The following CD163L1 variants were observed in gnomAD, a reference collection of about 807,000 sequenced individuals.
CD163L1 encodes scavenger receptor cysteine-rich type 1 protein M160.
In CD163L1, 124 loss-of-function variants were observed where a neutral mutation model predicts 165.4. The ratio of observed to expected loss-of-function variants is 0.75; its 90% CI spans 0.65 to 0.87. The LOEUF (loss-of-function observed/expected upper bound fraction) is 0.87, where lower values mean the gene tolerates loss of function less well. CD163L1 is among the 40% of genes least tolerant of loss of function. The probability of loss-of-function intolerance (pLI) is 0.00; values close to 1 mark genes in which losing one functional copy is unlikely to be tolerated. For missense variants in CD163L1, 1,525 were observed against 1,799.9 expected, an observed-to-expected ratio of 0.85 and a Z score of 2.76; for synonymous variants, 585 against 662.2, an observed-to-expected ratio of 0.88 and a Z score of 1.79.
intron 9 of CD163L1, among the ~76,000 whole-genome samples, chr12:7,377,105 T>C (rs1302112090): frequency 6.6e-6 from 1 of 152,194 alleles, no homozygotes; most frequent in Non-Finnish European, 1.5e-5. Flanking sequence ...TCAGCTGCAT[T>C]GGATTCCTTT....
intron 11 of CD163L1, 25 bp downstream of exon 11, chr12:7,375,256 T>A (rs1406550801): frequency 1.2e-6 from 2 of 1,608,152 alleles, no homozygotes; most frequent in Admixed American, 3.3e-5. Flanking sequence ...TTGACAGTAG[T>A]TAACCATAAG....
chr12:7,435,005 A>C (rs1948696505), intron 2 of CD163L1, among the ~76,000 whole-genome samples: 1 of 152,072 alleles, frequency 6.6e-6, no homozygotes, highest in Non-Finnish European at 1.5e-5. Context: ...TTTTTAGTTG[A>C]AATGTGTGTG....
chr12:7,409,363 G>A (rs548974511), intron 4 of CD163L1, among the ~76,000 whole-genome samples: 4 of 152,060 alleles, frequency 2.6e-5, no homozygotes, highest in Non-Finnish European at 2.9e-5. Flanking sequence ...TTTTGGCACC[G>A]AAGACTGCTT....
chr12:7,369,807 T>A lies in CD163L1; in HGVS notation c.3731-142A>T. 1.4e-6 allele frequency: 1 copy of A among 705,934 alleles called. No individual in the cohort carries two copies. The highest frequency in any genetic ancestry group is 2.3e-6 in the Non-Finnish European group (1 of 426,020). 43.7% of individuals were successfully genotyped at this position (705,934 alleles called of 1,614,324 possible). A position where few individuals can be genotyped will look rare whatever the true frequency, so the allele number is the denominator to read the frequency against. On this transcript the variant is annotated intron_variant, in intron 14 of 19. Transcript: ENST00000313599. This position sits in a 1 kb window ranked among gnomAD's most constrained non-coding sequence, Gnocchi z 4.9. Reference sequence around the variant, plus strand: ...GGCAGAATTTCAATGTTACATAGATTAGACAAGAACCTGTGAAGTGAATAA... The same window carrying A: ...GGCAGAATTTCAATGTTACATAGATAAGACAAGAACCTGTGAAGTGAATAA...
chr12:7,387,160 A>G (rs1403062190), intron 8 of CD163L1, among the ~76,000 whole-genome samples: 2 of 152,364 alleles, frequency 1.3e-5, no homozygotes, highest in East Asian at 3.9e-4. Flanking sequence ...AAAAGTGAGT[A>G]GCATTTCTAT....
the CD163L1 span, among the ~76,000 whole-genome samples, chr12:7,339,916 T>C: frequency 2.6e-5 from 4 of 152,182 alleles, no homozygotes; most frequent in Admixed American, 6.6e-5. Context: ...AGGGACTTTG[T>C]AGGTATGAGA....
At chr12:7,421,519 ATG>A (rs1347578597) in intron 4 of CD163L1, among the ~76,000 whole-genome samples, 22 of 132,880 alleles carry the variant, frequency 1.7e-4, no homozygotes, top group African/African-American at 3.7e-4. Flanking sequence ...ATATACATAT[ATG>A]TACATATATA....
chr12:7,421,597 A>G (rs1354070385), intron 4 of CD163L1, among the ~76,000 whole-genome samples: 1 of 11,468 alleles, frequency 8.7e-5, no homozygotes, highest in African/African-American at 1.7e-4. Flanking sequence ...ACATATACAT[A>G]TATGTACACA....
Position 7,403,561 on chromosome 12 carries a change from C to T in CD163L1, c.1382G>A (p.Arg461Lys), listed in dbSNP as rs745659898. The T allele has an allele frequency of 6.2e-7, 1 of 1,613,376 alleles. No individual in the cohort carries two copies. Among genetic ancestry groups the T allele is most frequent in the Admixed American group, 1.7e-5 (1 of 59,922 alleles). ...DGKAKRTCFR[R>K]SDAGVICSDK... ...AGAACAAATTACTCCAGCATCTGATCTTCGGAAGCATGTTCGCTTTGCTTT... is the reference window on the plus strand; with the variant it reads ...AGAACAAATTACTCCAGCATCTGATTTTCGGAAGCATGTTCGCTTTGCTTT... The change falls in exon 6 of 20, where the codon AGA becomes AAA. Residue 461 changes from arginine (R) to lysine (K), a missense_variant. Coordinates refer to ENST00000313599, the MANE Select transcript of CD163L1 (RefSeq NM_174941.6).
the CD163L1 span, among the ~76,000 whole-genome samples, chr12:7,332,755 A>G: frequency 1.3e-5 from 2 of 152,164 alleles, no homozygotes; most frequent in Non-Finnish European, 2.9e-5. Flanking sequence ...TCACCACCAG[A>G]CCTGCCCTAA....
At chr12:7,328,373 G>A in the CD163L1 span, 1 of 1,581,634 alleles carries the variant, frequency 6.3e-7, no homozygotes, top group Non-Finnish European at 8.6e-7. Context: ...GAGGAAGATA[G>A]TTTGATAACA....
intron 2 of CD163L1, chr12:7,438,904 C>A: frequency 6.2e-7 from 1 of 1,600,248 alleles, no homozygotes; most frequent in Non-Finnish European, 8.6e-7. Context: ...TGTCTTGATT[C>A]CTCTGCTTTT....
At chr12:7,319,355 G>C in the CD163L1 span, among the ~76,000 whole-genome samples, 4 of 152,230 alleles carry the variant, frequency 2.6e-5, no homozygotes, top group African/African-American at 9.6e-5. Context: ...ACTTTGGGAG[G>C]CTGAAGCAGG....
chr12:7,373,572 A>G lies in CD163L1; in HGVS notation c.3478T>C (p.Tyr1160His). Residue 1160 changes from tyrosine (Y) to histidine (H), a missense_variant, in exon 14 of 20, where the codon TAT becomes CAT. Coordinates refer to ENST00000313599, the MANE Select transcript of CD163L1 (RefSeq NM_174941.6). ...CCGACGCTGCCCCAGGTCCCGTTAT[A>G]GAAGACTTCCAATCTCCCAGCACAG... ...ESCAGRLEVF[Y>H]NGTWGSVGRR... 6.2e-7 allele frequency: 1 copy of G among 1,613,986 alleles called. No individual in the cohort carries two copies. Among genetic ancestry groups the G allele is most frequent in the Non-Finnish European group, 8.5e-7 (1 of 1,179,896 alleles).
intron 4 of CD163L1, among the ~76,000 whole-genome samples, chr12:7,348,389 A>G (rs1189955067): frequency 1.3e-5 from 2 of 152,342 alleles, no homozygotes; most frequent in Non-Finnish European, 2.9e-5. Flanking sequence ...AGAATGGAAT[A>G]TGGTTTACCA....
chr12:7,330,430 C>A, the CD163L1 span, among the ~76,000 whole-genome samples: 43 of 152,160 alleles, frequency 2.8e-4, no homozygotes, highest in Non-Finnish European at 5.6e-4. Context: ...CTCTTCTAGC[C>A]TTTTTCAATT....
At chr12:7,358,651 C>A (rs896980194) in intron 18 of CD163L1, among the ~76,000 whole-genome samples, 1 of 152,072 alleles carries the variant, frequency 6.6e-6, no homozygotes, top group South Asian at 2.1e-4. Context: ...ACTCTCTTTA[C>A]CTCAATTCTT....
At chr12:7,377,080 T>C (rs1947285136) in intron 9 of CD163L1, among the ~76,000 whole-genome samples, 1 of 152,230 alleles carries the variant, frequency 6.6e-6, no homozygotes, top group African/African-American at 2.4e-5. Flanking sequence ...GTCCTGATGT[T>C]TTACTTACTG....
chr12:7,398,466 A>C lies in CD163L1; in HGVS notation c.1527T>G (p.Asn509Lys). ...CCAATTGTTTACAAACAACAGCTGC[A>C]TTCCTTGTGCTCCATCTGTCATGAC... ...TVCHDRWSTRNAAVVCKQLGC... is the reference protein window; with the variant it reads ...TVCHDRWSTRKAAVVCKQLGC... Residue 509 changes from asparagine to lysine, a missense_variant, in exon 7 of 20, where the codon AAT becomes AAG. By Grantham distance (94) the Asn-to-Lys change is moderately conservative. Transcript: ENST00000313599. The surrounding 1 kb of genome is among the most constrained non-coding windows in gnomAD (Gnocchi z 4.5). 6.2e-7 allele frequency: 1 copy of C among 1,614,094 alleles called. No individual in the cohort carries two copies. The highest frequency in any genetic ancestry group is 8.5e-7 in the Non-Finnish European group (1 of 1,179,962).
Sources: allele counts gnomAD v4.1 joint callset (sites outside exome capture counted in the v4.1 genomes callset), GRCh38; gene constraint gnomAD v4.1.1; non-coding constraint Gnocchi (gnomAD v3.1); transcripts MANE v1.5; gene names NCBI Gene and HGNC (gene_info 2026-07-23, HGNC 2026-07-21).